The following DNAAF10 variants were observed in gnomAD, a reference collection of about 807,000 sequenced individuals.
DNAAF10 encodes the protein dynein axonemal assembly factor 10.
A neutral mutation model predicts 43.7 loss-of-function variants in DNAAF10; 28 were observed. That is an observed-to-expected ratio of 0.64 (90% confidence interval 0.48 to 0.88). The LOEUF is 0.88. Among genes scored for constraint, DNAAF10 ranks in the 40% least tolerant of loss-of-function variants. The probability of loss-of-function intolerance (pLI) is 0.00; values close to 1 mark genes in which losing one functional copy is unlikely to be tolerated. For synonymous variants in DNAAF10, 156 were observed against 157.3 expected (o/e 0.99, Z 0.06); for missense variants, 403 against 439.1 (o/e 0.92, Z 0.73).
At position 68,144,653 on chromosome 2, in the gene DNAAF10, G is replaced by T; in HGVS notation, c.347C>A (p.Ala116Asp). Residue 116 changes from alanine (A) to aspartate (D), a missense_variant, in exon 3 of 8, where the codon GCC becomes GAC. Physicochemically the swap from Ala to Asp is moderately radical, Grantham distance 126. Coordinates refer to ENST00000295121, the MANE Select transcript of DNAAF10 (RefSeq NM_138458.4). ...SVKGHKEIIN[A>D]IDGIGGLGIG... is the part of the protein sequence containing the mutation. Reference sequence around the variant, plus strand: ...TCCTAGTCCACCTATGCCATCTATGGCATTTATAATTTCTTTATGGCCCTT... The same window carrying T: ...TCCTAGTCCACCTATGCCATCTATGTCATTTATAATTTCTTTATGGCCCTT... The T allele has an allele frequency of 6.2e-7, 1 of 1,613,896 alleles. No individual in the cohort carries two copies. The highest frequency in any genetic ancestry group is 8.5e-7 in the Non-Finnish European group (1 of 1,179,998).
At chr2:68,132,957 A>G (rs1277494342) in intron 7 of DNAAF10, among the ~76,000 whole-genome samples, 1 of 151,508 alleles carries the variant, frequency 6.6e-6, no homozygotes, top group East Asian at 1.9e-4. Flanking sequence ...TGTGTAGATT[A>G]CAAAGAAAAC....
Position 68,137,359 on chromosome 2 carries a change from G to A in DNAAF10, c.708C>T (p.Phe236=). ...KLVATSLEGK[F]HVFDMRTQHP... ...GCTGTGTTCTCATGTCAAAAACATG[G>A]AACTTTCCTTCCAGAGATGTGGCTA... Residue 236 remains phenylalanine, a synonymous_variant, in exon 6 of 8, where the codon TTC becomes TTT. Transcript: ENST00000295121. The A allele has an allele frequency of 1.9e-6, 3 of 1,613,558 alleles. No homozygotes were observed. The highest frequency in any genetic ancestry group is 2.5e-6 in the Non-Finnish European group (3 of 1,179,756).
At chr2:68,155,263 G>A (rs1331842615) in intron 1 of DNAAF10, among the ~76,000 whole-genome samples, 9 of 152,198 alleles carry the variant, frequency 5.9e-5, no homozygotes, top group South Asian at 2.1e-4. Context: ...AGCCCAAGGC[G>A]GGTGGATCAC....
Position 68,138,869 on chromosome 2 carries a change from G to C in DNAAF10, c.518-12C>G. On this transcript the variant is annotated splice_polypyrimidine_tract_variant and intron_variant, in intron 4 of 7. Coordinates refer to ENST00000295121, the MANE Select transcript of DNAAF10 (RefSeq NM_138458.4). ...ATTATAAGCATTGCCTGGAAATCAAGATACAACATTTCACATCCTTATAAA... is the reference window on the plus strand; with the variant it reads ...ATTATAAGCATTGCCTGGAAATCAACATACAACATTTCACATCCTTATAAA... The C allele has an allele frequency of 6.3e-7, 1 of 1,588,816 alleles. No individual in the cohort carries two copies. The highest frequency in any genetic ancestry group is 8.6e-7 in the Non-Finnish European group (1 of 1,157,432).
chr2:68,157,196 G>A (rs1170682702), intron 1 of DNAAF10, 65 bp downstream of exon 1: 4 of 1,542,304 alleles, frequency 2.6e-6, no homozygotes, highest in African/African-American at 1.4e-5. Flanking sequence ...TGGCAAAGAG[G>A]AATGCAGACC....
In DNAAF10 at chr2:68,134,750, TC is replaced by T; in HGVS notation, c.817del (p.Glu273SerfsTer4). On this transcript the variant is annotated frameshift_variant, in exon 7 of 8. Transcript: ENST00000295121. LOFTEE classifies it high-confidence loss of function. ...GGCGCCTCCAGCTGTCAGAAAGAGC[TC>T]CCTGTTCTGCGGCAGGTGTCGGACC... ...WQVRHLPQNR[E>X]LFLTAGGAGG... is the part of the protein sequence containing the mutation. 6.2e-7 allele frequency: 1 copy of T among 1,609,694 alleles called. No homozygotes were observed. Among genetic ancestry groups the T allele is most frequent in the Non-Finnish European group, 8.5e-7 (1 of 1,179,048 alleles).
intron 4 of DNAAF10, among the ~76,000 whole-genome samples, chr2:68,140,254 A>C (rs904783483): frequency 6.6e-6 from 1 of 152,076 alleles, no homozygotes; most frequent in South Asian, 2.1e-4. Context: ...TTTTTCTCAT[A>C]AACTCCAGCC....
At chr2:68,148,027 C>T (rs564800309) in intron 1 of DNAAF10, among the ~76,000 whole-genome samples, 7 of 152,246 alleles carry the variant, frequency 4.6e-5, no homozygotes, top group African/African-American at 1.7e-4. Flanking sequence ...CTTTTCAATG[C>T]AGAGAGATTT....
At chr2:68,156,397 T>G (rs1335872811) in intron 1 of DNAAF10, among the ~76,000 whole-genome samples, 2 of 152,198 alleles carry the variant, frequency 1.3e-5, no homozygotes, top group Non-Finnish European at 2.9e-5. Flanking sequence ...CCTGATCTGA[T>G]AATGACTGAT....
At chr2:68,133,110 C>T (rs774226221) in intron 7 of DNAAF10, among the ~76,000 whole-genome samples, 12 of 152,178 alleles carry the variant, frequency 7.9e-5, no homozygotes, top group Non-Finnish European at 1.2e-4. Flanking sequence ...GGAAGAACAA[C>T]AGGCAGAGGT....
intron 1 of DNAAF10, among the ~76,000 whole-genome samples, chr2:68,154,043 C>T (rs1217621243): frequency 2.0e-5 from 3 of 151,316 alleles, no homozygotes; most frequent in African/African-American, 4.9e-5. Flanking sequence ...GTGAGCACCG[C>T]GCCCAGCCCA....
At chr2:68,132,094 G>A (rs912762474) in intron 7 of DNAAF10, 2 of 152,538 alleles carry the variant, frequency 1.3e-5, no homozygotes, top group Non-Finnish European at 2.9e-5. Flanking sequence ...AGTAAGAAAA[G>A]CAGAAGGTTA....
At chr2:68,147,329 C>T (rs569724895) in intron 2 of DNAAF10, 138 bp downstream of exon 2, 2 of 604,080 alleles carry the variant, frequency 3.3e-6, no homozygotes, top group South Asian at 2.2e-5. Context: ...ATATTAGAGA[C>T]AATTCTCATA....
intron 7 of DNAAF10, chr2:68,134,197 T>C: frequency 1.0e-6 from 1 of 987,110 alleles, no homozygotes; most frequent in Non-Finnish European, 1.2e-6. Context: ...TCTGTGATGT[T>C]AGCGCCCTTG....
intron 1 of DNAAF10, among the ~76,000 whole-genome samples, chr2:68,148,806 CAAACA>C (rs1673387767): frequency 6.6e-6 from 1 of 152,156 alleles, no homozygotes; most frequent in Non-Finnish European, 1.5e-5. Context: ...TATAAAAATT[CAAACA>C]AAACAAAAGG....
Position 68,130,104 on chromosome 2 carries a change from T to TGAGAGA in DNAAF10, c.*1128_*1133dup, listed in dbSNP as rs10574149. ...CAAATCTAGACCAACCGTGCCGTTT[T>TGAGAGA]GAGAGAGAGAGATATATATATATAT... On this transcript the variant is annotated 3_prime_UTR_variant, in exon 8 of 8. Transcript: ENST00000295121. 30 of 63,836 alleles carry TGAGAGA rather than the reference T, an allele frequency of 4.7e-4. No individual in the cohort carries two copies. Among genetic ancestry groups the TGAGAGA allele is most frequent in the African/African-American group, 1.1e-3 (28 of 26,410 alleles). 4.0% of individuals were successfully genotyped at this position (63,836 alleles called of 1,614,324 possible). A position where few individuals can be genotyped will look rare whatever the true frequency, so the allele number is the denominator to read the frequency against.
intron 6 of DNAAF10, among the ~76,000 whole-genome samples, chr2:68,136,036 AGACTCT>A (rs1673032937): frequency 6.6e-6 from 1 of 150,712 alleles, no homozygotes; most frequent in Non-Finnish European, 1.5e-5. Context: ...CAACACAGCA[AGACTCT>A]GACTCTATGA....
chr2:68,147,621 A>AG, intron 1 of DNAAF10, 54 bp from the exon 2 acceptor site: 12 of 1,324,860 alleles, frequency 9.1e-6, no homozygotes, highest in South Asian at 2.7e-5. Flanking sequence ...AGATATTTAT[A>AG]ATCTATTAAT....
chr2:68,132,632 TA>T (rs1449394623), intron 7 of DNAAF10, among the ~76,000 whole-genome samples: 25 of 152,246 alleles, frequency 1.6e-4, no homozygotes, highest in African/African-American at 5.8e-4. Flanking sequence ...TGATTTCTTG[TA>T]GAAGCTGTTC....
Sources: gnomAD v4.1 joint callset for allele counts (sites outside exome capture counted in the v4.1 genomes callset) on GRCh38, gnomAD v4.1.1 for gene constraint, MANE v1.5 for transcripts, NCBI Gene and HGNC (gene_info 2026-07-23, HGNC 2026-07-21) for gene names.